Variants in LMCD1 observed in about 807,000 individuals in gnomAD.
LMCD1 encodes the protein LIM and cysteine-rich domains protein 1.
A neutral mutation model predicts 42.7 loss-of-function variants in LMCD1; 32 were observed. That is an observed-to-expected ratio of 0.75 (90% CI 0.57 to 1.01). The LOEUF (loss-of-function observed/expected upper bound fraction) is 1.01. LMCD1 is among the 50% of genes least tolerant of loss of function. The pLI is 0.00. For synonymous variants in LMCD1, 178 were observed against 184.9 expected (o/e 0.96, Z 0.30); for missense variants, 458 against 483.1 (o/e 0.95, Z 0.49).
intron 2 of LMCD1, among the ~76,000 whole-genome samples, chr3:8,535,912 A>G (rs1366303859): frequency 6.6e-6 from 1 of 152,102 alleles, no homozygotes; most frequent in African/African-American, 2.4e-5. Flanking sequence ...CCTGGCCTCT[A>G]CCCACCAGAC....
chr3:8,551,232 T>C, intron 4 of LMCD1: 1 of 984,330 alleles, frequency 1.0e-6, no homozygotes, highest in Non-Finnish European at 1.2e-6. Flanking sequence ...TTTATTTGCA[T>C]TGATATACAT....
At position 8,516,395 on chromosome 3, in the gene LMCD1, C is replaced by A. The variant is rs773185710; in HGVS notation, c.42+14415C>A. 1.4e-3 allele frequency among the ~76,000 whole-genome samples: 218 copies of A among 152,256 alleles called. 2 individuals carry two copies. The highest frequency in any genetic ancestry group is 5.0e-3 in the Admixed American group (77 of 15,290). On this transcript the variant is annotated intron_variant, in intron 1 of 5. Transcript: ENST00000157600. ...TTCTAGTCCTTGATGAATATTTATACCAAAATAGGGCCAGTGGAAAAGTTC... is the reference window on the plus strand; with the variant it reads ...TTCTAGTCCTTGATGAATATTTATAACAAAATAGGGCCAGTGGAAAAGTTC...
intron 1 of LMCD1, among the ~76,000 whole-genome samples, chr3:8,521,723 C>G (rs1694208550): frequency 6.6e-6 from 1 of 152,230 alleles, no homozygotes; most frequent in Non-Finnish European, 1.5e-5. Context: ...AGTCTCCTAT[C>G]TTGGCTAGCA....
At chr3:8,513,487 G>T (rs537667768) in intron 1 of LMCD1, among the ~76,000 whole-genome samples, 2 of 152,194 alleles carry the variant, frequency 1.3e-5, no homozygotes, top group African/African-American at 4.8e-5. Context: ...GGAAATCATG[G>T]CAAGAAAGAG....
intron 2 of LMCD1, among the ~76,000 whole-genome samples, chr3:8,535,195 C>A (rs1442614813): frequency 1.3e-5 from 2 of 152,178 alleles, no homozygotes; most frequent in Admixed American, 6.5e-5. Context: ...CCTGATACTG[C>A]CTAGTGCCTG....
rs1694710838 is a variant in LMCD1 at position 8,545,185 on chromosome 3, AT to A, written c.388-3382del. ...ACCTTATGTCCATAATGATTTAATTATACTTTTCTAAGAAAAAGCGATTTTA... is the reference window on the plus strand; with the variant it reads ...ACCTTATGTCCATAATGATTTAATTAACTTTTCTAAGAAAAAGCGATTTTA... On this transcript the variant is annotated intron_variant, in intron 3 of 5. Transcript: ENST00000157600. Among the ~76,000 whole-genome samples, 6 of 152,330 alleles carry A rather than the reference AT, an allele frequency of 3.9e-5. No homozygotes were observed. In the South Asian group the frequency reaches 1.2e-3, roughly 32 times the overall value.
At position 8,509,340 on chromosome 3, in the gene LMCD1, A is replaced by C. The variant is rs1693949082; in HGVS notation, c.42+7360A>C. Reference sequence around the variant, plus strand: ...CATAAATATACTCAGGCCACATCACATTGCAAAATCATGAGAATAGCCACA... The same window carrying C: ...CATAAATATACTCAGGCCACATCACCTTGCAAAATCATGAGAATAGCCACA... On this transcript the variant is annotated intron_variant, in intron 1 of 5. Coordinates refer to ENST00000157600, the MANE Select transcript of LMCD1 (RefSeq NM_014583.4). Among the ~76,000 whole-genome samples, 5 of 152,160 alleles carry C rather than the reference A, an allele frequency of 3.3e-5. No homozygotes were observed. In the South Asian group the frequency reaches 1.0e-3, roughly 32 times the overall value.
At chr3:8,502,362 T>TA (rs1553604893) in intron 1 of LMCD1, among the ~76,000 whole-genome samples, 2 of 70,052 alleles carry the variant, frequency 2.9e-5, no homozygotes, top group African/African-American at 1.4e-4. Flanking sequence ...ATAATATATA[T>TA]TATATAAAAT....
In LMCD1 at chr3:8,571,221, T is replaced by A. The variant is rs1695212349; in HGVS notation, c.*3623T>A. On this transcript the variant is annotated 3_prime_UTR_variant, in exon 6 of 6. Transcript: ENST00000157600. ...TTCCAAGGCCTTTATTGTGCTATAA[T>A]TATTTATTCATGAAAGCCTTCCCCT... 6.6e-6 allele frequency: 1 copy of A among 152,226 alleles called. No individual in the cohort carries two copies. Among genetic ancestry groups the A allele is most frequent in the Admixed American group, 6.5e-5 (1 of 15,288 alleles). 9.4% of individuals were successfully genotyped at this position (152,226 alleles called of 1,614,324 possible).
intron 1 of LMCD1, among the ~76,000 whole-genome samples, chr3:8,506,998 C>G (rs140449795): frequency 1.0e-3 from 158 of 152,344 alleles, no homozygotes; most frequent in African/African-American, 3.7e-3. Flanking sequence ...AATGAAGAGA[C>G]AGCTGTTGCT....
chr3:8,564,264 A>G (rs1168364748), intron 4 of LMCD1, among the ~76,000 whole-genome samples: 9 of 151,690 alleles, frequency 5.9e-5, no homozygotes, highest in African/African-American at 2.2e-4. Flanking sequence ...CTACTCAAAT[A>G]TTATTATTAT....
At position 8,514,625 on chromosome 3, in the gene LMCD1, G is replaced by A. The variant is rs73810482; in HGVS notation, c.42+12645G>A. ...GGAAATAATTCAAATCTCCATCAAC[G>A]GGAGAATGAATAAACCAATCATTTT... is the stretch of plus-strand genomic sequence containing the variant. On this transcript the variant is annotated intron_variant, in intron 1 of 5. Transcript: ENST00000157600. 6.6e-3 allele frequency among the ~76,000 whole-genome samples: 1,006 copies of A among 152,140 alleles called. 11 individuals are homozygous for A. Among genetic ancestry groups the A allele is most frequent in the African/African-American group, 0.022 (915 of 41,494 alleles).
At chr3:8,545,182 A>G (rs1340192737) in intron 3 of LMCD1, among the ~76,000 whole-genome samples, 1 of 152,216 alleles carries the variant, frequency 6.6e-6, no homozygotes, top group Non-Finnish European at 1.5e-5. Context: ...TAATGATTTA[A>G]TTATACTTTT....
chr3:8,524,681 A>T (rs6763808), intron 1 of LMCD1, among the ~76,000 whole-genome samples: 1 of 151,502 alleles, frequency 6.6e-6, no homozygotes, highest in Non-Finnish European at 1.5e-5. Flanking sequence ...TGGATTTGTG[A>T]TGTTGCTGTT....
chr3:8,509,134 C>A (rs1404012704), intron 1 of LMCD1, among the ~76,000 whole-genome samples: 1 of 152,152 alleles, frequency 6.6e-6, no homozygotes, highest in East Asian at 1.9e-4. Flanking sequence ...ACATAATATA[C>A]CCTTGATAAA....
At chr3:8,522,539 C>G (rs919398898) in intron 1 of LMCD1, among the ~76,000 whole-genome samples, 1 of 152,116 alleles carries the variant, frequency 6.6e-6, no homozygotes, top group Non-Finnish European at 1.5e-5. Flanking sequence ...CCATCAGTTC[C>G]CCAAAGGGTC....
chr3:8,564,727 G>A (rs576265837), intron 4 of LMCD1, among the ~76,000 whole-genome samples: 2 of 152,320 alleles, frequency 1.3e-5, no homozygotes, highest in East Asian at 3.9e-4. Flanking sequence ...ACTTGAGAAA[G>A]TATCCTGTGT....
At chr3:8,535,486 A>G (rs1694492976) in intron 2 of LMCD1, among the ~76,000 whole-genome samples, 1 of 152,212 alleles carries the variant, frequency 6.6e-6, no homozygotes, top group Admixed American at 6.5e-5. Flanking sequence ...CTCCAGTAGC[A>G]TTCAAAATGT....
intron 4 of LMCD1, chr3:8,550,658 G>T (rs1694824386): frequency 1.0e-6 from 1 of 985,070 alleles, no homozygotes; most frequent in African/African-American, 1.7e-5. Flanking sequence ...TTCTCAGGAA[G>T]AATACATGTC....
Sources: allele counts gnomAD v4.1 joint callset (sites outside exome capture counted in the v4.1 genomes callset), GRCh38; gene constraint gnomAD v4.1.1; transcripts MANE v1.5; gene names NCBI Gene and HGNC (gene_info 2026-07-23, HGNC 2026-07-21).